ITGBL1: variants seen among roughly 807,000 people sequenced by gnomAD.
ITGBL1 encodes integrin subunit beta like 1, also known as integrin beta-like protein 1.
A neutral mutation model predicts 68.5 loss-of-function variants in ITGBL1; 51 were observed. The observed-to-expected ratio is 0.74, with a 90% CI of 0.59 to 0.94. ITGBL1 has a LOEUF of 0.94. ITGBL1 is among the 40% of genes least tolerant of loss of function. The probability of loss-of-function intolerance (pLI) is 0.00; values close to 1 mark genes in which losing one functional copy is unlikely to be tolerated. For synonymous variants in ITGBL1, 209 were observed against 227.3 expected, an observed-to-expected ratio of 0.92 and a Z score of 0.72; for missense variants, 649 against 647.4, an observed-to-expected ratio of 1.00 and a Z score of -0.03.
chr13:101,524,242 G>A (rs1473944499), intron 2 of ITGBL1, among the ~76,000 whole-genome samples: 3 of 151,602 alleles, frequency 2.0e-5, no homozygotes, highest in African/African-American at 7.3e-5. Context: ...CTCTTCATTA[G>A]GAGCATAGCC....
chr13:101,552,949 AT>A (rs1466518475), intron 2 of ITGBL1, among the ~76,000 whole-genome samples: 1 of 152,166 alleles, frequency 6.6e-6, no homozygotes, highest in Admixed American at 6.5e-5. Flanking sequence ...CTCAGGCATA[AT>A]TTGTCAGCTT....
chr13:101,614,515 C>T (rs1352614079), intron 7 of ITGBL1, among the ~76,000 whole-genome samples: 1 of 152,050 alleles, frequency 6.6e-6, no homozygotes, highest in Non-Finnish European at 1.5e-5. Flanking sequence ...GCAGTTTGAG[C>T]ACATTTTCCA....
chr13:101,520,566 A>G (rs1346673851), intron 2 of ITGBL1, among the ~76,000 whole-genome samples: 1 of 152,194 alleles, frequency 6.6e-6, no homozygotes, highest in South Asian at 2.1e-4. Flanking sequence ...CCATAGTTCC[A>G]TGGAGGTGAT....
chr13:101,598,872 T>C (rs1281383637), intron 7 of ITGBL1, among the ~76,000 whole-genome samples: 1 of 152,142 alleles, frequency 6.6e-6, no homozygotes, highest in Non-Finnish European at 1.5e-5. Context: ...TCTTTGCTAT[T>C]GTGAATAGTG....
rs1566738630 is a variant in ITGBL1, at chr13:101,575,537, A to G, written c.577A>G (p.Ile193Val). ...ATGCATAGACGATGAAACAGAAGAAATATGTGGAGGTATGTATATTGGCTC... is the reference window on the plus strand; with the variant it reads ...ATGCATAGACGATGAAACAGAAGAAGTATGTGGAGGTATGTATATTGGCTC... ...RECIDDETEEICGGHGKCYCG... is the reference protein window; with the variant it reads ...RECIDDETEEVCGGHGKCYCG... Residue 193 changes from isoleucine (I) to valine (V), a missense_variant, in exon 4 of 11, where the codon ATA (isoleucine) becomes GTA (valine). Ile to Val is a conservative substitution (Grantham distance 29, BLOSUM62 3). Coordinates refer to ENST00000376180, the MANE Select transcript of ITGBL1 (RefSeq NM_004791.3). 6.2e-7 allele frequency: 1 copy of G among 1,612,290 alleles called. No individual in the cohort carries two copies. The highest frequency in any genetic ancestry group is 8.5e-7 in the Non-Finnish European group (1 of 1,178,642).
intron 7 of ITGBL1, among the ~76,000 whole-genome samples, chr13:101,628,877 T>C (rs2031883426): frequency 6.6e-6 from 1 of 152,086 alleles, no homozygotes; most frequent in South Asian, 2.1e-4. Context: ...AAATTATCCT[T>C]ATTAATTATT....
chr13:101,509,991 A>G (rs1190516647), intron 2 of ITGBL1, among the ~76,000 whole-genome samples: 1 of 151,960 alleles, frequency 6.6e-6, no homozygotes, highest in Non-Finnish European at 1.5e-5. Flanking sequence ...AAGAAATCCA[A>G]TTTCTCTTTT....
intron 2 of ITGBL1, among the ~76,000 whole-genome samples, chr13:101,475,531 A>G (rs916167201): frequency 6.6e-6 from 1 of 152,110 alleles, no homozygotes; most frequent in African/African-American, 2.4e-5. Flanking sequence ...TAGCCGAGAA[A>G]TTTCCAAACC....
At chr13:101,485,482 A>T (rs181014301) in intron 2 of ITGBL1, among the ~76,000 whole-genome samples, 1 of 152,318 alleles carries the variant, frequency 6.6e-6, no homozygotes, top group Admixed American at 6.5e-5. Context: ...CTAAAACCTC[A>T]GTGAGATACT....
chr13:101,653,501 A>G (rs1032286952), intron 7 of ITGBL1, among the ~76,000 whole-genome samples: 2 of 152,218 alleles, frequency 1.3e-5, no homozygotes, highest in Non-Finnish European at 2.9e-5. Context: ...CAGTCAACAA[A>G]TATATGTTAG....
chr13:101,645,193 T>C (rs1242257331), intron 7 of ITGBL1, among the ~76,000 whole-genome samples: 1 of 152,154 alleles, frequency 6.6e-6, no homozygotes, highest in Non-Finnish European at 1.5e-5. Context: ...GCTTGTGGTC[T>C]GTAAGATGGA....
intron 2 of ITGBL1, among the ~76,000 whole-genome samples, chr13:101,520,197 ACT>A (rs1182055511): frequency 5.9e-5 from 9 of 152,102 alleles, no homozygotes; most frequent in African/African-American, 2.2e-4. Context: ...AATATGAAAG[ACT>A]CTAAGATTCA....
At chr13:101,511,762 G>A (rs2049119473) in intron 2 of ITGBL1, among the ~76,000 whole-genome samples, 1 of 152,132 alleles carries the variant, frequency 6.6e-6, no homozygotes. Context: ...AGATGAGAAT[G>A]CAGCCAGACA....
intron 7 of ITGBL1, among the ~76,000 whole-genome samples, chr13:101,683,043 A>AT (rs2033678929): frequency 1.3e-5 from 2 of 152,106 alleles, no homozygotes; most frequent in African/African-American, 4.8e-5. Context: ...TATCAAACAT[A>AT]TTTTTTGAAT....
intron 3 of ITGBL1, among the ~76,000 whole-genome samples, chr13:101,572,736 C>T (rs895581938): frequency 2.6e-5 from 4 of 151,934 alleles, no homozygotes; most frequent in South Asian, 2.1e-4. Context: ...GGAATGTTTC[C>T]GATGTGTGGA....
intron 2 of ITGBL1, among the ~76,000 whole-genome samples, chr13:101,474,215 G>A (rs2048503197): frequency 2.0e-5 from 3 of 152,128 alleles, no homozygotes; most frequent in South Asian, 2.1e-4. Context: ...CCAGAGGGAA[G>A]CCCACTGCCC....
intron 2 of ITGBL1, among the ~76,000 whole-genome samples, chr13:101,527,385 C>G (rs113683747): frequency 3.9e-5 from 6 of 152,192 alleles, no homozygotes; most frequent in African/African-American, 1.4e-4. Context: ...ATCTTTTGCT[C>G]TGCATGCTTT....
chr13:101,532,161 AAG>A (rs2049494711), intron 2 of ITGBL1, among the ~76,000 whole-genome samples: 1 of 152,174 alleles, frequency 6.6e-6, no homozygotes, highest in Admixed American at 6.5e-5. Flanking sequence ...TATTTATTTG[AAG>A]AGATTATTTT....
At chr13:101,649,010 A>G (rs1417284026) in intron 7 of ITGBL1, among the ~76,000 whole-genome samples, 1 of 152,164 alleles carries the variant, frequency 6.6e-6, no homozygotes, top group Non-Finnish European at 1.5e-5. Flanking sequence ...AGACATCTAC[A>G]TAAGATTTTA....
Sources: allele counts gnomAD v4.1 joint callset (sites outside exome capture counted in the v4.1 genomes callset), GRCh38; gene constraint gnomAD v4.1.1; transcripts MANE v1.5; gene names NCBI Gene and HGNC (gene_info 2026-07-23, HGNC 2026-07-21).